THRB: variants seen among roughly 807,000 people sequenced by gnomAD.
THRB encodes the protein thyroid hormone receptor beta, also known as nuclear receptor subfamily 1 group A member 2.
THRB carries 12 observed loss-of-function variants against 47.8 expected under a neutral mutation model. The observed-to-expected ratio is 0.25, with a 90% CI of 0.16 to 0.41. THRB has a LOEUF of 0.41. Among genes scored for constraint, THRB ranks in the 10% least tolerant of loss-of-function variants. The pLI is 1.00. For synonymous variants in THRB, 218 were observed against 212.2 expected (o/e 1.03, Z -0.24); for missense variants, 348 against 589.2 (o/e 0.59, Z 4.24).
chr3:24,215,411 G>T (rs747131308), intron 4 of THRB, among the ~76,000 whole-genome samples: 2 of 152,144 alleles, frequency 1.3e-5, no homozygotes, highest in Non-Finnish European at 2.9e-5. Context: ...GACACATGAC[G>T]CCAAAGTCTG....
intron 9 of THRB, among the ~76,000 whole-genome samples, chr3:24,132,801 T>A (rs2034075053): frequency 6.6e-6 from 1 of 152,212 alleles, no homozygotes; most frequent in South Asian, 2.1e-4. Flanking sequence ...AACTTATTCT[T>A]GAGGATTAAG....
At chr3:24,490,426 A>G (rs1381486537) in intron 1 of THRB, among the ~76,000 whole-genome samples, 1 of 152,214 alleles carries the variant, frequency 6.6e-6, no homozygotes, top group Non-Finnish European at 1.5e-5. Flanking sequence ...CAGAAGGGAA[A>G]GAGAAGCACT....
chr3:24,124,357 TC>T (rs2032301435), intron 10 of THRB, among the ~76,000 whole-genome samples: 1 of 152,194 alleles, frequency 6.6e-6, no homozygotes, highest in Non-Finnish European at 1.5e-5. Flanking sequence ...TCTCTCCCTT[TC>T]CCCTATCTTC....
At chr3:24,327,097 T>C (rs2061646799) in intron 2 of THRB, among the ~76,000 whole-genome samples, 2 of 152,138 alleles carry the variant, frequency 1.3e-5, no homozygotes, top group South Asian at 4.1e-4. Flanking sequence ...ACTTCTTATA[T>C]GGTTGCCATT....
chr3:24,290,165 A>G (rs1258850137), intron 3 of THRB, among the ~76,000 whole-genome samples: 1 of 152,202 alleles, frequency 6.6e-6, no homozygotes, highest in African/African-American at 2.4e-5. Context: ...AAAAACCTCA[A>G]AACACTAGCA....
chr3:24,264,389 T>G (rs978332080), intron 3 of THRB, among the ~76,000 whole-genome samples: 3 of 152,000 alleles, frequency 2.0e-5, no homozygotes, highest in Non-Finnish European at 2.9e-5. Flanking sequence ...CCTCTTAAAT[T>G]TTTTGTTTGT....
intron 3 of THRB, among the ~76,000 whole-genome samples, chr3:24,256,708 G>C (rs1456340663): frequency 3.3e-5 from 5 of 152,148 alleles, no homozygotes; most frequent in Admixed American, 6.5e-5. Context: ...AGGCTCATGT[G>C]TCTGGTGTCA....
intron 1 of THRB, among the ~76,000 whole-genome samples, chr3:24,355,033 A>G (rs59867090): frequency 6.6e-6 from 1 of 152,124 alleles, no homozygotes; most frequent in Admixed American, 6.5e-5. Flanking sequence ...CATAACATAT[A>G]TTAATTACAA....
At chr3:24,340,950 CCT>C (rs1164946141) in intron 1 of THRB, among the ~76,000 whole-genome samples, 4 of 150,216 alleles carry the variant, frequency 2.7e-5, no homozygotes, top group African/African-American at 9.8e-5. Flanking sequence ...AATTTTCCTC[CCT>C]GTTTCCTTCC....
At chr3:24,348,472 G>A (rs958663102) in intron 1 of THRB, 2 of 151,970 alleles carry the variant, frequency 1.3e-5, no homozygotes, top group African/African-American at 2.4e-5. Context: ...CCTTTTCCTT[G>A]TATATGCCTT....
chr3:24,199,700 A>G (rs536800129), intron 4 of THRB, among the ~76,000 whole-genome samples: 8 of 152,336 alleles, frequency 5.3e-5, no homozygotes, highest in African/African-American at 1.7e-4. Flanking sequence ...ATAAATGAAA[A>G]CCATTAAAAC....
intron 10 of THRB, 90 bp from the exon 11 acceptor site, chr3:24,123,215 G>A: frequency 1.3e-6 from 2 of 1,579,528 alleles, no homozygotes; most frequent in East Asian, 2.2e-5. Flanking sequence ...TGGGGGGCGG[G>A]CAGATCTAGG....
chr3:24,181,872 T>C (rs902434588), intron 5 of THRB, among the ~76,000 whole-genome samples: 1 of 152,190 alleles, frequency 6.6e-6, no homozygotes, highest in Non-Finnish European at 1.5e-5. Context: ...GCTAATGACT[T>C]GATAAGATAT....
Position 24,482,652 on chromosome 3 carries a change from G to GA in THRB, c.-261+11999dup, listed in dbSNP as rs561305122. Among the ~76,000 whole-genome samples, 40 of 151,694 alleles carry GA rather than the reference G, an allele frequency of 2.6e-4. 1 individual carries two copies. In the South Asian group the frequency reaches 8.1e-3, roughly 31 times the overall value. ...CTCACAATACACTCAACCAATAAGA[G>GA]AAGGGGGTTTCTCTTCCCTGCTCCG... On this transcript the variant is annotated intron_variant, in intron 1 of 10. Transcript: ENST00000646209.
At position 24,473,383 on chromosome 3, in the gene THRB, A is replaced by T. The variant is rs145550102; in HGVS notation, c.-261+21269T>A. ...TTTTCATATGCTTGTTGGCCACATA[A>T]ATGAGATACCATCTCACACCAGTTA... On this transcript the variant is annotated intron_variant, in intron 1 of 10. Coordinates refer to ENST00000646209, the MANE Select transcript of THRB (RefSeq NM_001354712.2). Among the ~76,000 whole-genome samples the T allele has an allele frequency of 2.0e-3, 299 of 152,332 alleles. 3 individuals carry two copies. Among genetic ancestry groups the T allele is most frequent in the African/African-American group, 6.9e-3 (286 of 41,576 alleles).
At chr3:24,447,552 G>C (rs942731896) in intron 1 of THRB, among the ~76,000 whole-genome samples, 1 of 152,050 alleles carries the variant, frequency 6.6e-6, no homozygotes, top group Non-Finnish European at 1.5e-5. Context: ...ATGACACAGG[G>C]ATATCTTTAT....
intron 1 of THRB, among the ~76,000 whole-genome samples, chr3:24,493,434 T>C (rs867414903): frequency 6.6e-6 from 1 of 152,262 alleles, no homozygotes; most frequent in South Asian, 2.1e-4. Flanking sequence ...TTTATCATTA[T>C]ATAAACTGCT....
In THRB at chr3:24,117,953, A is replaced by C. The variant is rs980647938; in HGVS notation, c.*4931T>G. On this transcript the variant is annotated 3_prime_UTR_variant, in exon 11 of 11. Coordinates refer to ENST00000646209, the MANE Select transcript of THRB (RefSeq NM_001354712.2). Reference sequence around the variant, plus strand: ...AAGATGAATGTTGTCCTTGAGCTGCAAAACTTCACCTCTCTCCTCCCTTCA... The same window carrying C: ...AAGATGAATGTTGTCCTTGAGCTGCCAAACTTCACCTCTCTCCTCCCTTCA... The C allele has an allele frequency of 6.6e-6, 1 of 152,218 alleles. No homozygotes were observed. Among genetic ancestry groups the C allele is most frequent in the Non-Finnish European group, 1.5e-5 (1 of 68,038 alleles). The allele number at this position is 152,218 out of a possible 1,614,324, so 9.4% of individuals were successfully genotyped here. A position where few individuals can be genotyped will look rare whatever the true frequency, so the allele number is the denominator to read the frequency against.
intron 1 of THRB, among the ~76,000 whole-genome samples, chr3:24,383,890 T>C (rs984924141): frequency 6.6e-6 from 1 of 152,170 alleles, no homozygotes; most frequent in Non-Finnish European, 1.5e-5. Context: ...CTAACCTAAT[T>C]TGCCTTAAAG....
Sources: gnomAD v4.1 joint callset for allele counts (sites outside exome capture counted in the v4.1 genomes callset) on GRCh38, gnomAD v4.1.1 for gene constraint, MANE v1.5 for transcripts, NCBI Gene and HGNC (gene_info 2026-07-23, HGNC 2026-07-21) for gene names.